The following PPP2R5C variants were observed in gnomAD, a reference collection of about 807,000 sequenced individuals.
The protein encoded by PPP2R5C is serine/threonine-protein phosphatase 2A 56 kDa regulatory subunit gamma isoform.
A neutral mutation model predicts 68.9 loss-of-function variants in PPP2R5C; 7 were observed. The ratio of observed to expected loss-of-function variants is 0.10; its 90% CI spans 0.06 to 0.19. The LOEUF (loss-of-function observed/expected upper bound fraction) is 0.19. Among genes scored for constraint, PPP2R5C ranks in the 10% least tolerant of loss-of-function variants. The probability of loss-of-function intolerance (pLI) is 1.00; values close to 1 mark genes in which losing one functional copy is unlikely to be tolerated. For missense variants in PPP2R5C, 348 were observed against 641.3 expected (o/e 0.54, Z 4.94); for synonymous variants, 210 against 222.2 (o/e 0.95, Z 0.49).
At chr14:101,868,504 A>G (rs2043212941) in intron 2 of PPP2R5C, among the ~76,000 whole-genome samples, 1 of 152,166 alleles carries the variant, frequency 6.6e-6, no homozygotes, top group African/African-American at 2.4e-5. Flanking sequence ...CTGCTGAGAA[A>G]CTTTTGGGAT....
intron 1 of PPP2R5C, among the ~76,000 whole-genome samples, chr14:101,816,378 C>T (rs1296582625): frequency 1.3e-5 from 2 of 152,154 alleles, no homozygotes; most frequent in Non-Finnish European, 2.9e-5. Flanking sequence ...ACTCCCACAG[C>T]AGGTAGAAGT....
chr14:101,878,235 C>A (rs1470345259), intron 2 of PPP2R5C, among the ~76,000 whole-genome samples: 1 of 152,196 alleles, frequency 6.6e-6, no homozygotes, highest in East Asian at 1.9e-4. Context: ...GACCCATCTC[C>A]AAATCCAGCC....
At position 101,877,409 on chromosome 14, in the gene PPP2R5C, T is replaced by C. The variant is rs907377662; in HGVS notation, c.295-4752T>C. On this transcript the variant is annotated intron_variant, in intron 2 of 13. Transcript: ENST00000334743. The surrounding 1 kb of genome is among the most constrained non-coding windows in gnomAD (Gnocchi z 4.2). ...TGCGTCTGTGCCTCTGGGTGTGCGC[T>C]GGATCCGTAGGTCTCATTTGAGAGA... is the stretch of plus-strand genomic sequence containing the variant. Among the ~76,000 whole-genome samples, 18 of 152,162 alleles carry C rather than the reference T, an allele frequency of 1.2e-4. No individual in the cohort carries two copies. The highest frequency in any genetic ancestry group is 4.3e-4 in the African/African-American group (18 of 41,430).
intron 1 of PPP2R5C, among the ~76,000 whole-genome samples, chr14:101,822,494 G>A (rs953518085): frequency 4.6e-5 from 7 of 152,152 alleles, no homozygotes; most frequent in African/African-American, 1.7e-4. Context: ...ATGTTATGTT[G>A]ATGTGTTTTT....
At position 101,916,253 on chromosome 14, in the gene PPP2R5C, A is replaced by C. The variant is rs2046664277; in HGVS notation, c.1327-1578A>C. ...TGGGCGGAGCTGTGGGAGTGAAGGC[A>C]CAGGGCGCTGAGGACCTGGTCTGAC... On this transcript the variant is annotated intron_variant, in intron 12 of 13. Coordinates refer to ENST00000334743, the Ensembl canonical transcript of PPP2R5C. This position sits in a 1 kb window ranked among gnomAD's most constrained non-coding sequence, Gnocchi z 5.5. 6.6e-6 allele frequency among the ~76,000 whole-genome samples: 1 copy of C among 152,136 alleles called. No homozygotes were observed. Among genetic ancestry groups the C allele is most frequent in the African/African-American group, 2.4e-5 (1 of 41,444 alleles).
At chr14:101,777,029 C>G (rs1024474799) in intron 2 of PPP2R5C, among the ~76,000 whole-genome samples, 1 of 151,396 alleles carries the variant, frequency 6.6e-6, no homozygotes, top group South Asian at 2.1e-4. Flanking sequence ...TACAGGTGCA[C>G]ACCACCATGC....
intron 1 of PPP2R5C, among the ~76,000 whole-genome samples, chr14:101,810,714 A>G (rs1012965984): frequency 2.6e-5 from 4 of 152,222 alleles, no homozygotes; most frequent in African/African-American, 9.7e-5. Flanking sequence ...AATGGCAACA[A>G]GTTTTCAAGG....
chr14:101,898,290 A>G (rs1158939316), intron 8 of PPP2R5C, among the ~76,000 whole-genome samples: 2 of 152,126 alleles, frequency 1.3e-5, no homozygotes, highest in African/African-American at 2.4e-5. Flanking sequence ...TGAACAATTC[A>G]CCAAATGCCA....
chr14:101,897,971 A>G (rs1236425385), intron 8 of PPP2R5C, among the ~76,000 whole-genome samples: 1 of 151,500 alleles, frequency 6.6e-6, no homozygotes, highest in Non-Finnish European at 1.5e-5. Flanking sequence ...CCTGGGAAAC[A>G]TAGTGAGACC....
chr14:101,869,957 AT>A (rs36187849), intron 2 of PPP2R5C, among the ~76,000 whole-genome samples: 2 of 140,326 alleles, frequency 1.4e-5, no homozygotes, highest in African/African-American at 5.4e-5. Flanking sequence ...TGGCCCAAGC[AT>A]TTTTTCCCTG....
intron 1 of PPP2R5C, among the ~76,000 whole-genome samples, chr14:101,812,572 A>G (rs2039427766): frequency 6.6e-6 from 1 of 152,250 alleles, no homozygotes; most frequent in African/African-American, 2.4e-5. Flanking sequence ...ATCATTTTAA[A>G]ATAGGAATGT....
At chr14:101,861,132 A>T (rs1018922972) in intron 2 of PPP2R5C, among the ~76,000 whole-genome samples, 4 of 152,244 alleles carry the variant, frequency 2.6e-5, no homozygotes, top group Non-Finnish European at 1.5e-5. Flanking sequence ...TAAAAAACTC[A>T]ATGTAGTAAA....
At chr14:101,912,556 G>T in intron 12 of PPP2R5C, 83 bp downstream of exon 14, 2 of 1,418,400 alleles carry the variant, frequency 1.4e-6, no homozygotes, top group South Asian at 1.7e-5. Context: ...TTCACCATGG[G>T]GGGGGTCTCG....
At chr14:101,808,794 A>C (rs1595216875), upstream of PPP2R5C, among the ~76,000 whole-genome samples, 1 of 152,086 alleles carries the variant, frequency 6.6e-6, no homozygotes, top group African/African-American at 2.4e-5. Context: ...GAAAGGAGGA[A>C]TTTTTTTCAG....
chr14:101,861,320 T>C (rs570696378), intron 2 of PPP2R5C, among the ~76,000 whole-genome samples: 10 of 152,348 alleles, frequency 6.6e-5, no homozygotes, highest in African/African-American at 2.2e-4. Flanking sequence ...ATCGGGATTC[T>C]CATCCAAATC....
upstream of PPP2R5C, chr14:101,760,605 G>C (rs2036444581): frequency 1.3e-6 from 1 of 760,828 alleles, no homozygotes; most frequent in South Asian, 6.0e-5. Flanking sequence ...AACCAGGAAA[G>C]GACGGGACTG....
rs1054634566 is a variant in PPP2R5C at position 101,916,963 on chromosome 14, C to T, written c.1327-868C>T. Among the ~76,000 whole-genome samples the T allele has an allele frequency of 1.3e-5, 2 of 152,146 alleles. No individual in the cohort carries two copies. The highest frequency in any genetic ancestry group is 2.4e-5 in the African/African-American group (1 of 41,428). On this transcript the variant is annotated intron_variant, in intron 12 of 13. Transcript: ENST00000334743. The surrounding 1 kb of genome is among the most constrained non-coding windows in gnomAD (Gnocchi z 5.5). ...GGGTGGCAGTACACACACACGACCACGCAGGACAAACAGGCGCCCCACACA... is the reference window on the plus strand; with the variant it reads ...GGGTGGCAGTACACACACACGACCATGCAGGACAAACAGGCGCCCCACACA...
rs2044030925 is a variant in PPP2R5C at position 101,879,700 on chromosome 14, C to A, written c.295-2461C>A. On this transcript the variant is annotated intron_variant, in intron 2 of 13. Coordinates refer to ENST00000334743, the Ensembl canonical transcript of PPP2R5C. The surrounding 1 kb of genome is among the most constrained non-coding windows in gnomAD (Gnocchi z 4.2). The stretch of plus-strand genomic sequence containing the variant: ...TGCCATCTCCCTTTCCTGAAGGTGA[C>A]CCTGTCCTGTGGGTGACTGGACCCT... Among the ~76,000 whole-genome samples the A allele has an allele frequency of 6.6e-6, 1 of 152,190 alleles. No individual in the cohort carries two copies. The highest frequency in any genetic ancestry group is 1.5e-5 in the Non-Finnish European group (1 of 68,034).
At chr14:101,833,283 G>A (rs1187645033) in intron 1 of PPP2R5C, among the ~76,000 whole-genome samples, 2 of 152,212 alleles carry the variant, frequency 1.3e-5, no homozygotes, top group South Asian at 2.1e-4. Flanking sequence ...TCACATGGCC[G>A]GTGTCAGGGT....
Sources: allele counts gnomAD v4.1 joint callset (sites outside exome capture counted in the v4.1 genomes callset), GRCh38; gene constraint gnomAD v4.1.1; non-coding constraint Gnocchi (gnomAD v3.1); transcripts MANE v1.5; gene names NCBI Gene and HGNC (gene_info 2026-07-23, HGNC 2026-07-21).